CES3: variants seen among roughly 807,000 people sequenced by gnomAD.
CES3 encodes carboxylesterase 3.
In CES3, 49 loss-of-function variants were observed where a neutral mutation model predicts 57.6. The observed-to-expected ratio is 0.85, with a 90% confidence interval of 0.68 to 1.08. The LOEUF is 1.08. Among genes scored for constraint, CES3 ranks in the 50% least tolerant of loss-of-function variants. The pLI is 0.00. For missense variants in CES3, 645 were observed against 742.0 expected, an observed-to-expected ratio of 0.87 and a Z score of 1.52; for synonymous variants, 266 against 281.6, an observed-to-expected ratio of 0.94 and a Z score of 0.55.
Position 66,971,640 on chromosome 16 carries a change from G to T in CES3, c.1291+321G>T, listed in dbSNP as rs143435970. On this transcript the variant is annotated intron_variant, in intron 10 of 12. Coordinates refer to ENST00000303334, the MANE Select transcript of CES3 (RefSeq NM_024922.6). Reference sequence around the variant, plus strand: ...TTTCATCCTCTTTCAGCACTTCTGGGGGGAAAGTCTTGCTTCCTTCAAGCC... The same window carrying T: ...TTTCATCCTCTTTCAGCACTTCTGGTGGGAAAGTCTTGCTTCCTTCAAGCC... Among the ~76,000 whole-genome samples, 447 of 152,244 alleles carry T rather than the reference G, an allele frequency of 2.9e-3. 1 individual carries two copies. Among genetic ancestry groups the T allele is most frequent in the Middle Eastern group, 0.017 (5 of 294 alleles).
intron 9 of CES3, 33 bp from the exon 10 acceptor site, chr16:66,971,139 C>G: frequency 6.3e-7 from 1 of 1,594,664 alleles, no homozygotes; most frequent in Non-Finnish European, 8.6e-7. Context: ...TCTGTGCACC[C>G]TGAGCAGGGC....
chr16:66,966,238 C>A lies in CES3; in HGVS notation c.820-6C>A. 6.2e-7 allele frequency: 1 copy of A among 1,612,076 alleles called. No homozygotes were observed. The highest frequency in any genetic ancestry group is 1.1e-5 in the South Asian group (1 of 91,032). The stretch of plus-strand genomic sequence containing the variant: ...AGGGAGGCATGACTCTTTCATTTGT[C>A]CCCAGAAAATCGCAAACACCTTGGC... On this transcript the variant is annotated splice_region_variant and splice_polypyrimidine_tract_variant and intron_variant, in intron 6 of 12. Coordinates refer to ENST00000303334, the MANE Select transcript of CES3 (RefSeq NM_024922.6).
chr16:66,971,461 T>C, intron 10 of CES3, 142 bp downstream of exon 10: 1 of 781,314 alleles, frequency 1.3e-6, no homozygotes, highest in South Asian at 1.8e-5. Flanking sequence ...CAAACCTATC[T>C]TTCTCTGGGA....
At position 66,963,676 on chromosome 16, in the gene CES3, C is replaced by T. The variant is rs1337330198; in HGVS notation, c.426+47C>T. ...GTCCACCTGATCCAGCTCCACTATG[C>T]CTACCTGTCCCCTCCCCGTCCCTGT... On this transcript the variant is annotated intron_variant, in intron 3 of 12. Coordinates refer to ENST00000303334, the MANE Select transcript of CES3 (RefSeq NM_024922.6). This position sits in a 1 kb window ranked among gnomAD's most constrained non-coding sequence, Gnocchi z 4.9. 1.2e-6 allele frequency: 2 copies of T among 1,613,516 alleles called. No individual in the cohort carries two copies. The highest frequency in any genetic ancestry group is 8.5e-7 in the Non-Finnish European group (1 of 1,179,924).
rs959498073 is a variant in CES3 at position 66,973,217 on chromosome 16, G to A, written c.*168G>A. The A allele has an allele frequency of 1.4e-5, 9 of 633,146 alleles. No individual in the cohort carries two copies. The highest frequency in any genetic ancestry group is 4.0e-5 in the South Asian group (2 of 50,298). 39.2% of individuals were successfully genotyped at this position (633,146 alleles called of 1,614,324 possible). A position where few individuals can be genotyped will look rare whatever the true frequency, so the allele number is the denominator to read the frequency against. On this transcript the variant is annotated 3_prime_UTR_variant, in exon 13 of 13. Transcript: ENST00000303334. The stretch of plus-strand genomic sequence containing the variant: ...TGCTCTTTTGAAATGTCACAAGGCC[G>A]CCTCCCACCTCTGGGGCATTGTACA...
rs868753769 is a variant in CES3, at chr16:66,972,651, C to T, written c.1442-17C>T. 6.2e-7 allele frequency: 1 copy of T among 1,614,192 alleles called. No individual in the cohort carries two copies. Among genetic ancestry groups the T allele is most frequent in the Non-Finnish European group, 8.5e-7 (1 of 1,180,018 alleles). The stretch of plus-strand genomic sequence containing the variant: ...CCACCTGACTCTCGTTCAGTTCTGT[C>T]CCTCTCACCTTTCCAGCCTTTCCAG... On this transcript the variant is annotated splice_polypyrimidine_tract_variant and intron_variant, in intron 11 of 12. Coordinates refer to ENST00000303334, the MANE Select transcript of CES3 (RefSeq NM_024922.6).
Position 66,961,266 on chromosome 16 carries a change from A to C in CES3, c.-42A>C. Reference sequence around the variant, plus strand: ...GGTGGTGCTGAAGGGCAGGGATCTTATTCCACCTTCTGAAGCTTCTGTCGA... The same window carrying C: ...GGTGGTGCTGAAGGGCAGGGATCTTCTTCCACCTTCTGAAGCTTCTGTCGA... On this transcript the variant is annotated 5_prime_UTR_variant, in exon 1 of 13. Transcript: ENST00000303334. 1.3e-6 allele frequency: 2 copies of C among 1,534,554 alleles called. No individual in the cohort carries two copies. The highest frequency in any genetic ancestry group is 1.8e-6 in the Non-Finnish European group (2 of 1,110,362).
rs1963739999 is a variant in CES3, at chr16:66,966,854, C to T, written c.1051C>T (p.Leu351Phe). ...MGVNNHEFSWLIPRGWGLLDT... is the reference protein window; with the variant it reads ...MGVNNHEFSWFIPRGWGLLDT... Reference sequence around the variant, plus strand: ...TGTCAACAACCATGAGTTCAGCTGGCTCATCCCCAGGGTGAGTTGCTCCCA... The same window carrying T: ...TGTCAACAACCATGAGTTCAGCTGGTTCATCCCCAGGGTGAGTTGCTCCCA... The change falls in exon 8 of 13, where the codon CTC (leucine) becomes TTC (phenylalanine). Residue 351 changes from leucine (L) to phenylalanine (F), a missense_variant. Transcript: ENST00000303334. The T allele has an allele frequency of 6.2e-7, 1 of 1,614,066 alleles. No homozygotes were observed. Among genetic ancestry groups the T allele is most frequent in the East Asian group, 2.2e-5 (1 of 44,880 alleles).
At chr16:66,961,745 G>A (rs780970358) in intron 1 of CES3, among the ~76,000 whole-genome samples, 7 of 152,052 alleles carry the variant, frequency 4.6e-5, no homozygotes, top group Non-Finnish European at 1.5e-5. Flanking sequence ...TGTATTTTTA[G>A]GAGAGATGGG....
At position 66,963,869 on chromosome 16, in the gene CES3, T is replaced by A. The variant is rs776432254; in HGVS notation, c.494T>A (p.Leu165Gln). ...GCCACCTCCTACGATGGATCAGCTC[T>A]GGCTGCCTATGGGGATGTGGTCGTG... ...GAATSYDGSA[L>Q]AAYGDVVVVT... Residue 165 changes from leucine to glutamine, a missense_variant, in exon 4 of 13, where the codon CTG (leucine) becomes CAG (glutamine). Physicochemically the swap from Leu to Gln is moderately radical, Grantham distance 113. Transcript: ENST00000303334. This position sits in a 1 kb window ranked among gnomAD's most constrained non-coding sequence, Gnocchi z 4.9. 6.2e-7 allele frequency: 1 copy of A among 1,614,198 alleles called. No homozygotes were observed. Among genetic ancestry groups the A allele is most frequent in the Non-Finnish European group, 8.5e-7 (1 of 1,180,014 alleles).
chr16:66,963,782 C>T lies in CES3; in HGVS notation c.427-20C>T. On this transcript the variant is annotated intron_variant, in intron 3 of 12. Coordinates refer to ENST00000303334, the MANE Select transcript of CES3 (RefSeq NM_024922.6). The surrounding 1 kb of genome is among the most constrained non-coding windows in gnomAD (Gnocchi z 4.9). ...GGTCTCAGGAGCTTGGGGGTCAGTGCCCCATGGCCACCTCTGCAGGTCATG... is the reference window on the plus strand; with the variant it reads ...GGTCTCAGGAGCTTGGGGGTCAGTGTCCCATGGCCACCTCTGCAGGTCATG... 1 of 1,609,780 alleles carries T rather than the reference C, an allele frequency of 6.2e-7. No homozygotes were observed.
rs149632209 is a variant in CES3, at chr16:66,963,233, G to A, written c.137G>A (p.Arg46Gln). 4.9e-4 allele frequency: 794 copies of A among 1,614,214 alleles called. 9 individuals are homozygous for A. The East Asian group carries it at 0.017, about 34-fold the overall frequency. Residue 46 changes from arginine (R) to glutamine (Q), a missense_variant, in exon 2 of 13, where the codon CGG becomes CAG. Transcript: ENST00000303334. The surrounding 1 kb of genome is among the most constrained non-coding windows in gnomAD (Gnocchi z 4.9). ...ACCACCCTGGGTCGTGTGCGAGGCC[G>A]GCAGGTGGGCGTGAAGGGCACAGAC... ...VDTTLGRVRG[R>Q]QVGVKGTDRL...
chr16:66,966,989 G>C, intron 8 of CES3, 124 bp downstream of exon 8: 1 of 1,211,660 alleles, frequency 8.3e-7, no homozygotes, highest in Non-Finnish European at 1.2e-6. Flanking sequence ...AAGTGAGAAA[G>C]CAGAGGCCCA....
chr16:66,967,571 A>T, intron 8 of CES3: 1 of 985,340 alleles, frequency 1.0e-6, no homozygotes, highest in Non-Finnish European at 1.2e-6. Flanking sequence ...ATTCCTTTCC[A>T]GGTGCATAGA....
chr16:66,963,757 G>A lies in CES3; in HGVS notation c.427-45G>A. 24 of 1,609,428 alleles carry A rather than the reference G, an allele frequency of 1.5e-5. No homozygotes were observed. Among genetic ancestry groups the A allele is most frequent in the Non-Finnish European group, 2.0e-5 (23 of 1,176,072 alleles). On this transcript the variant is annotated intron_variant, in intron 3 of 12. Transcript: ENST00000303334. This position sits in a 1 kb window ranked among gnomAD's most constrained non-coding sequence, Gnocchi z 4.9. ...CCTGGGCTGGCAGGTGGGCAGCTAA[G>A]GTCTCAGGAGCTTGGGGGTCAGTGC...
At chr16:66,972,582 G>C in intron 11 of CES3, 77 bp downstream of exon 11, 1 of 1,607,634 alleles carries the variant, frequency 6.2e-7, no homozygotes, top group African/African-American at 1.3e-5. Context: ...GCAGGAACAC[G>C]GGTCTCCAGT....
At chr16:66,968,245 A>G (rs1418283720) in intron 8 of CES3, among the ~76,000 whole-genome samples, 3 of 151,734 alleles carry the variant, frequency 2.0e-5, no homozygotes, top group Non-Finnish European at 2.9e-5. Context: ...CCGCACTGCA[A>G]CCTCTGCCTC....
In CES3 at chr16:66,973,351, T is replaced by TC. The variant is rs1963877255; in HGVS notation, c.*303dup. On this transcript the variant is annotated 3_prime_UTR_variant, in exon 13 of 13. Transcript: ENST00000303334. The stretch of plus-strand genomic sequence containing the variant: ...CTCCCCCAGGAAGCCTTCCCTGCCT[T>TC]CTCTGGGCTGTGCGGCCCCGAGTCT... The TC allele has an allele frequency of 1.2e-5, 4 of 329,396 alleles. 1 individual carries two copies. The highest frequency in any genetic ancestry group is 2.3e-5 in the Non-Finnish European group (4 of 174,340). The allele number at this position is 329,396 out of a possible 1,614,324, so 20.4% of individuals were successfully genotyped here.
intron 6 of CES3, 50 bp from the exon 7 acceptor site, chr16:66,966,194 G>A (rs905388033): frequency 1.3e-6 from 2 of 1,550,616 alleles, no homozygotes; most frequent in Non-Finnish European, 1.8e-6. Context: ...AGGCTGCAAG[G>A]TGGGGCTGAG....
Sources: gnomAD v4.1 joint callset for allele counts (sites outside exome capture counted in the v4.1 genomes callset) on GRCh38, gnomAD v4.1.1 for gene constraint, Gnocchi (gnomAD v3.1) non-coding constraint, MANE v1.5 for transcripts, NCBI Gene and HGNC (gene_info 2026-07-23, HGNC 2026-07-21) for gene names.